Variants in GPC5 observed in about 807,000 individuals in gnomAD.
GPC5 encodes the protein glypican 5, also known as glypican-5.
In GPC5, 47 loss-of-function variants were observed where a neutral mutation model predicts 53.9. The observed-to-expected ratio is 0.87, with a 90% CI of 0.69 to 1.11. The LOEUF (loss-of-function observed/expected upper bound fraction) is 1.11. Among genes scored for constraint, GPC5 ranks in the 50% most tolerant of loss-of-function variants. GPC5 has a pLI of 0.00. For missense variants in GPC5, 748 were observed against 713.1 expected (o/e 1.05, Z -0.56); for synonymous variants, 286 against 263.3 (o/e 1.09, Z -0.84).
At chr13:92,542,982 C>T (rs571022980) in intron 7 of GPC5, among the ~76,000 whole-genome samples, 2 of 152,034 alleles carry the variant, frequency 1.3e-5, no homozygotes, top group East Asian at 3.9e-4. Context: ...AATCTATTAG[C>T]ATATCTTTGA....
Position 92,061,178 on chromosome 13 carries a change from T to G in GPC5, c.1402-83652T>G, listed in dbSNP as rs1277977379. ...GGATAGGTTTTCTCTTGGAAATGAG[T>G]GGCAAATCACAATTACATAAACCAA... is the stretch of plus-strand genomic sequence containing the variant. On this transcript the variant is annotated intron_variant, in intron 6 of 7. Transcript: ENST00000377067. 2.0e-5 allele frequency among the ~76,000 whole-genome samples: 3 copies of G among 151,968 alleles called. 1 individual carries two copies. The highest frequency in any genetic ancestry group is 7.3e-5 in the African/African-American group (3 of 41,314).
In GPC5 at chr13:92,198,428, A is replaced by G. The variant is rs555381584; in HGVS notation, c.1561+53439A>G. On this transcript the variant is annotated intron_variant, in intron 7 of 7. Coordinates refer to ENST00000377067, the MANE Select transcript of GPC5 (RefSeq NM_004466.6). ...TATTAATTAATAATACTTCTTTCTT[A>G]ATGAATGATGATTTCCCCACAGCAT... Among the ~76,000 whole-genome samples the G allele has an allele frequency of 3.3e-5, 5 of 152,294 alleles. No individual in the cohort carries two copies. The South Asian group carries it at 1.0e-3, about 32-fold the overall frequency.
At chr13:91,709,216 C>G (rs1404488473) in intron 3 of GPC5, among the ~76,000 whole-genome samples, 1 of 152,182 alleles carries the variant, frequency 6.6e-6, no homozygotes, top group Non-Finnish European at 1.5e-5. Context: ...TTTAACCTCC[C>G]TAGTCTACTC....
chr13:92,453,572 G>A (rs1381097244), intron 7 of GPC5, among the ~76,000 whole-genome samples: 1 of 152,142 alleles, frequency 6.6e-6, no homozygotes, highest in Non-Finnish European at 1.5e-5. Context: ...CATGAAAATA[G>A]AAGTTTCTAA....
intron 7 of GPC5, among the ~76,000 whole-genome samples, chr13:92,276,311 C>T (rs750389985): frequency 6.6e-6 from 1 of 152,110 alleles, no homozygotes; most frequent in African/African-American, 2.4e-5. Flanking sequence ...CCACAGTGCA[C>T]CTAATCTTTC....
At chr13:92,431,046 A>T (rs1192052571) in intron 7 of GPC5, among the ~76,000 whole-genome samples, 2 of 152,174 alleles carry the variant, frequency 1.3e-5, no homozygotes, top group Admixed American at 6.5e-5. Flanking sequence ...GAATTTAGAT[A>T]TCTTTTTATT....
intron 4 of GPC5, among the ~76,000 whole-genome samples, chr13:91,746,549 A>G (rs1696449163): frequency 6.6e-6 from 1 of 152,202 alleles, no homozygotes; most frequent in Non-Finnish European, 1.5e-5. Context: ...TTAAAATGAA[A>G]CAAGTTCCTG....
At chr13:92,408,287 GGATC>G (rs1486508406) in intron 7 of GPC5, among the ~76,000 whole-genome samples, 1 of 152,100 alleles carries the variant, frequency 6.6e-6, no homozygotes, top group Non-Finnish European at 1.5e-5. Flanking sequence ...TTGAGTAGCT[GGATC>G]AATTATGCCA....
intron 7 of GPC5, among the ~76,000 whole-genome samples, chr13:92,492,169 T>C (rs1202833059): frequency 2.0e-5 from 3 of 152,330 alleles, no homozygotes; most frequent in Middle Eastern, 3.4e-3. Context: ...ATTTTGTGTG[T>C]GTATATGTTT....
chr13:91,643,794 C>T (rs1382188000), intron 2 of GPC5, among the ~76,000 whole-genome samples: 2 of 152,048 alleles, frequency 1.3e-5, no homozygotes, highest in African/African-American at 2.4e-5. Context: ...TCCAAATTCC[C>T]CTTGTTTTTA....
chr13:92,045,345 T>C (rs2040973631), intron 6 of GPC5, among the ~76,000 whole-genome samples: 1 of 152,166 alleles, frequency 6.6e-6, no homozygotes, highest in African/African-American at 2.4e-5. Context: ...ACATTAACCC[T>C]GACCATGAGC....
chr13:92,346,272 T>G (rs1224623996), intron 7 of GPC5, among the ~76,000 whole-genome samples: 2 of 152,156 alleles, frequency 1.3e-5, no homozygotes, highest in African/African-American at 4.8e-5. Flanking sequence ...AGCACAGCCC[T>G]TAGCCCTGCT....
intron 7 of GPC5, among the ~76,000 whole-genome samples, chr13:92,625,778 A>C (rs4591002): frequency 0.51 from 77,948 of 151,958 alleles, 20,407 homozygotes; most frequent in South Asian, 0.73. Flanking sequence ...CAAAAGTCAA[A>C]ATTAAGTGTA....
rs186552519 is a variant in GPC5, at chr13:92,527,858, G to A, written c.1562-338424G>A. On this transcript the variant is annotated intron_variant, in intron 7 of 7. Transcript: ENST00000377067. ...CTAATTTCAAGCTACAAATAGATAA[G>A]AAAAATACTGGTTAAAGAAAATATT... Among the ~76,000 whole-genome samples the A allele has an allele frequency of 7.6e-3, 1,150 of 152,052 alleles. 10 individuals are homozygous for A. The highest frequency in any genetic ancestry group is 0.027 in the Middle Eastern group (8 of 294).
intron 2 of GPC5, among the ~76,000 whole-genome samples, chr13:91,635,523 T>C (rs79446303): frequency 0.019 from 2,874 of 152,224 alleles, 39 homozygotes; most frequent in Non-Finnish European, 0.033. Flanking sequence ...ATCATCAGCA[T>C]TTTCCTTTAT....
At chr13:91,855,503 G>A (rs909811038) in intron 5 of GPC5, among the ~76,000 whole-genome samples, 5 of 151,488 alleles carry the variant, frequency 3.3e-5, no homozygotes, top group African/African-American at 1.2e-4. Flanking sequence ...CTTTCCTACT[G>A]TGAAAAAAAT....
intron 3 of GPC5, among the ~76,000 whole-genome samples, chr13:91,722,932 G>A (rs1424728379): frequency 1.3e-5 from 2 of 152,100 alleles, no homozygotes; most frequent in Non-Finnish European, 2.9e-5. Flanking sequence ...TGGGTAGCTT[G>A]TTTAAAGGCA....
rs189678197 is a variant in GPC5 at position 92,256,253 on chromosome 13, C to T, written c.1561+111264C>T. On this transcript the variant is annotated intron_variant, in intron 7 of 7. Coordinates refer to ENST00000377067, the MANE Select transcript of GPC5 (RefSeq NM_004466.6). ...CAAGATGGTGTCCTCAATTGGATGT[C>T]GAATGTCCACGAATATGGGACTATA... 1.5e-3 allele frequency among the ~76,000 whole-genome samples: 221 copies of T among 151,838 alleles called. 1 individual carries two copies. The highest frequency in any genetic ancestry group is 5.2e-3 in the African/African-American group (216 of 41,462).
At chr13:91,844,627 G>A (rs1489795278) in intron 5 of GPC5, among the ~76,000 whole-genome samples, 2 of 152,162 alleles carry the variant, frequency 1.3e-5, no homozygotes, top group Non-Finnish European at 2.9e-5. Flanking sequence ...TCCACTGAAG[G>A]GTGCACATGT....
Sources: allele counts gnomAD v4.1 joint callset (sites outside exome capture counted in the v4.1 genomes callset), GRCh38; gene constraint gnomAD v4.1.1; transcripts MANE v1.5; gene names NCBI Gene and HGNC (gene_info 2026-07-23, HGNC 2026-07-21).